The following HORMAD2 variants were observed in gnomAD, a reference collection of about 807,000 sequenced individuals.
HORMAD2 encodes the protein HORMA domain-containing protein 2.
In HORMAD2, 45 loss-of-function variants were observed where a neutral mutation model predicts 38.8. The ratio of observed to expected loss-of-function variants is 1.16; its 90% confidence interval spans 0.91 to 1.49. The LOEUF (loss-of-function observed/expected upper bound fraction) is 1.49. Ranked by LOEUF, HORMAD2 falls within the 40% of genes most tolerant of loss-of-function variation. The pLI, the probability that HORMAD2 is intolerant of heterozygous loss-of-function variation, is 0.00. For missense variants in HORMAD2, 338 were observed against 367.0 expected, an observed-to-expected ratio of 0.92 and a Z score of 0.65; for synonymous variants, 126 against 122.8, an observed-to-expected ratio of 1.03 and a Z score of -0.17.
Position 30,133,814 on chromosome 22 carries a change from G to A in HORMAD2, c.819+11600G>A, listed in dbSNP as rs554246945. Among the ~76,000 whole-genome samples, 6 of 152,196 alleles carry A rather than the reference G, an allele frequency of 3.9e-5. No individual in the cohort carries two copies. In the South Asian group the frequency reaches 8.3e-4, roughly 21 times the overall value. On this transcript the variant is annotated intron_variant, in intron 10 of 10. Transcript: ENST00000336726. The stretch of plus-strand genomic sequence containing the variant: ...ATACATGGGAATATGTACATAGGAT[G>A]TGCATATTATATGCCAATACTGTGC...
At chr22:30,175,972 G>A in intron 10 of HORMAD2, 91 bp from the exon 11 acceptor site, 1 of 829,234 alleles carries the variant, frequency 1.2e-6, no homozygotes, top group Non-Finnish European at 2.0e-6. Context: ...GCAGCTTGAG[G>A]GATTAATGCT....
chr22:30,096,155 G>A (rs1428632091), intron 2 of HORMAD2, among the ~76,000 whole-genome samples: 2 of 152,036 alleles, frequency 1.3e-5, no homozygotes, highest in Admixed American at 6.6e-5. Flanking sequence ...TCCATTGGGG[G>A]CGTATACCCC....
chr22:30,203,717 A>G, the HORMAD2 span, among the ~76,000 whole-genome samples: 1 of 152,124 alleles, frequency 6.6e-6, no homozygotes, highest in Non-Finnish European at 1.5e-5. Context: ...ACATTCTCAA[A>G]TGCACCTGTC....
chr22:30,089,156 G>T (rs1324961491), intron 1 of HORMAD2, among the ~76,000 whole-genome samples: 1 of 151,990 alleles, frequency 6.6e-6, no homozygotes, highest in East Asian at 1.9e-4. Context: ...CTGCCCTCTT[G>T]GGAAAAATCT....
At chr22:30,145,423 A>C (rs897220897) in intron 10 of HORMAD2, among the ~76,000 whole-genome samples, 4 of 152,218 alleles carry the variant, frequency 2.6e-5, no homozygotes, top group Admixed American at 6.5e-5. Flanking sequence ...AATAAAATAA[A>C]AGGGGAAAAG....
Position 30,169,644 on chromosome 22 carries a change from C to T in HORMAD2, c.820-6419C>T, listed in dbSNP as rs117088289. ...GCGCTCTTGATGTGATTTCCTCCAT[C>T]CTTAGATCCAGTTCACATAGTCAAC... On this transcript the variant is annotated intron_variant, in intron 10 of 10. Coordinates refer to ENST00000336726, the MANE Select transcript of HORMAD2 (RefSeq NM_152510.4). Among the ~76,000 whole-genome samples the T allele has an allele frequency of 8.7e-4, 132 of 152,328 alleles. No homozygotes were observed. In the East Asian group the frequency reaches 0.022, roughly 25 times the overall value.
At chr22:30,202,317 T>C in the HORMAD2 span, among the ~76,000 whole-genome samples, 1 of 152,006 alleles carries the variant, frequency 6.6e-6, no homozygotes, top group Non-Finnish European at 1.5e-5. Flanking sequence ...AGCTAAGGCA[T>C]CATGGTCTTT....
chr22:30,104,101 C>T (rs1488379954), intron 4 of HORMAD2, among the ~76,000 whole-genome samples: 1 of 152,114 alleles, frequency 6.6e-6, no homozygotes, highest in Non-Finnish European at 1.5e-5. Flanking sequence ...TAAATATATA[C>T]ACCTATTATG....
downstream of HORMAD2, among the ~76,000 whole-genome samples, chr22:30,177,531 G>A (rs1441681550): frequency 6.6e-6 from 1 of 152,142 alleles, no homozygotes; most frequent in Non-Finnish European, 1.5e-5. Flanking sequence ...ACTGAAAGAA[G>A]GAGGGGAAAG....
In HORMAD2 at chr22:30,103,441, C is replaced by A. The variant is rs776631942; in HGVS notation, c.198C>A (p.Leu66=). ...SSYGERHLDD[L]SLKILREDKK... Reference sequence around the variant, plus strand: ...ACTGTGTTTCTGTTTTTGTAGACCTCAGTTTAAAAATCCTCCGAGAAGATA... The same window carrying A: ...ACTGTGTTTCTGTTTTTGTAGACCTAAGTTTAAAAATCCTCCGAGAAGATA... Residue 66 remains leucine (L), a synonymous_variant, in exon 4 of 11, where the codon CTC becomes CTA. Transcript: ENST00000336726. The A allele has an allele frequency of 5.2e-6, 8 of 1,529,108 alleles. No individual in the cohort carries two copies. Among genetic ancestry groups the A allele is most frequent in the Non-Finnish European group, 7.1e-6 (8 of 1,125,584 alleles). The allele number at this position is 1,529,108 out of a possible 1,614,324, so 94.7% of individuals were successfully genotyped here.
rs550136096 is a variant in HORMAD2, at chr22:30,115,317, G to A, written c.342+2795G>A. ...ATTTTTTAAAATTTTTGCAAATGTG[G>A]GGTTATGTTGCCCCGGCTGGTCTCA... On this transcript the variant is annotated intron_variant, in intron 7 of 10. Coordinates refer to ENST00000336726, the MANE Select transcript of HORMAD2 (RefSeq NM_152510.4). Among the ~76,000 whole-genome samples, 9 of 152,002 alleles carry A rather than the reference G, an allele frequency of 5.9e-5. No individual in the cohort carries two copies. The South Asian group carries it at 1.9e-3, about 32-fold the overall frequency.
chr22:30,141,243 C>T lies in HORMAD2; in HGVS notation c.819+19029C>T, dbSNP rs1490443367. ...AAACTCCTGACTTCAAGTGATCCAC[C>T]CACCTCGGCCTCCCAAAGTGCTGGG... On this transcript the variant is annotated intron_variant, in intron 10 of 10. Coordinates refer to ENST00000336726, the MANE Select transcript of HORMAD2 (RefSeq NM_152510.4). Among the ~76,000 whole-genome samples, 3 of 152,292 alleles carry T rather than the reference C, an allele frequency of 2.0e-5. No homozygotes were observed. The South Asian group carries it at 6.2e-4, about 32-fold the overall frequency.
Position 30,121,677 on chromosome 22 carries a change from T to C in HORMAD2, c.456T>C (p.Asp152=), listed in dbSNP as rs776130883. ...TSFESGTNNE[D]IKKASVLLIR... is the part of the protein sequence containing the mutation. ...TTGAAAGTGGAACAAACAATGAAGA[T>C]ATTAAGAAAGCCAGTGTTCTACTGA... The change falls in exon 9 of 11, where the codon GAT becomes GAC. Residue 152 remains aspartate, a synonymous_variant. Coordinates refer to ENST00000336726, the MANE Select transcript of HORMAD2 (RefSeq NM_152510.4). The C allele has an allele frequency of 2.2e-5, 35 of 1,605,882 alleles. 1 individual carries two copies. In the South Asian group the frequency reaches 3.9e-4, roughly 18 times the overall value.
chr22:30,133,836 G>A (rs1310452436), intron 10 of HORMAD2, among the ~76,000 whole-genome samples: 1 of 151,992 alleles, frequency 6.6e-6, no homozygotes, highest in Non-Finnish European at 1.5e-5. Context: ...TGCCAATACT[G>A]TGCCATTTTT....
intron 7 of HORMAD2, among the ~76,000 whole-genome samples, chr22:30,113,702 T>C (rs185775410): frequency 6.6e-6 from 1 of 152,356 alleles, no homozygotes; most frequent in East Asian, 1.9e-4. Context: ...TCTTTCCTTT[T>C]TCTTTACTTT....
chr22:30,155,952 C>T (rs1388520409), intron 10 of HORMAD2, among the ~76,000 whole-genome samples: 1 of 152,192 alleles, frequency 6.6e-6, no homozygotes, highest in African/African-American at 2.4e-5. Context: ...AGACTGCCTC[C>T]TCACCCTGCT....
rs192750574 is a variant in HORMAD2, at chr22:30,087,839, C to T, written c.-37-6077C>T. Among the ~76,000 whole-genome samples, 179 of 152,152 alleles carry T rather than the reference C, an allele frequency of 1.2e-3. 1 individual carries two copies. Among genetic ancestry groups the T allele is most frequent in the Non-Finnish European group, 1.0e-3 (69 of 67,986 alleles). ...GCTAAACCATTCATGAGAAACTGCC[C>T]AGATGATCCAGTTATCTCCTACTGT... On this transcript the variant is annotated intron_variant, in intron 1 of 10. Transcript: ENST00000336726.
the HORMAD2 span, among the ~76,000 whole-genome samples, chr22:30,189,671 A>G: frequency 6.6e-6 from 1 of 152,016 alleles, no homozygotes; most frequent in African/African-American, 2.4e-5. Context: ...TTCCTCCTTC[A>G]TTCCTTGCCC....
intron 1 of HORMAD2, among the ~76,000 whole-genome samples, chr22:30,086,870 C>T (rs1379448249): frequency 1.3e-5 from 2 of 152,228 alleles, no homozygotes; most frequent in Non-Finnish European, 1.5e-5. Flanking sequence ...TCTTGGCTCA[C>T]TGCAACCTCC....
Sources: allele counts gnomAD v4.1 joint callset (sites outside exome capture counted in the v4.1 genomes callset), GRCh38; gene constraint gnomAD v4.1.1; transcripts MANE v1.5; gene names NCBI Gene and HGNC (gene_info 2026-07-23, HGNC 2026-07-21).